NDUFAF1: variants seen among roughly 807,000 people sequenced by gnomAD.
NDUFAF1 encodes complex I intermediate-associated protein 30, mitochondrial.
In NDUFAF1, 18 loss-of-function variants were observed where a neutral mutation model predicts 28.7. The ratio of observed to expected loss-of-function variants is 0.63; its 90% CI spans 0.43 to 0.93. NDUFAF1 has a LOEUF of 0.93. Among genes scored for constraint, NDUFAF1 ranks in the 40% least tolerant of loss-of-function variants. The pLI, the probability that NDUFAF1 is intolerant of heterozygous loss-of-function variation, is 0.00. For missense variants in NDUFAF1, 404 were observed against 398.3 expected, an observed-to-expected ratio of 1.01 and a Z score of -0.12; for synonymous variants, 113 against 139.7, an observed-to-expected ratio of 0.81 and a Z score of 1.35.
At chr15:41,397,919 G>A (rs1349435433) in intron 1 of NDUFAF1, among the ~76,000 whole-genome samples, 2 of 151,286 alleles carry the variant, frequency 1.3e-5, no homozygotes, top group Non-Finnish European at 2.9e-5. Flanking sequence ...CAGCTACTAA[G>A]GAGGCTGAGG....
At chr15:41,397,845 T>C (rs1021819471) in intron 1 of NDUFAF1, among the ~76,000 whole-genome samples, 1 of 145,530 alleles carries the variant, frequency 6.9e-6, no homozygotes, top group African/African-American at 2.6e-5. Context: ...GCCAACATGG[T>C]GAAACCCCGT....
chr15:41,394,018 A>G (rs1279355612), intron 3 of NDUFAF1: 1 of 200,884 alleles, frequency 5.0e-6, no homozygotes, highest in Admixed American at 8.3e-5. Flanking sequence ...CTAGGACACT[A>G]CTTTTTTTTT....
intron 3 of NDUFAF1, among the ~76,000 whole-genome samples, chr15:41,390,250 C>T (rs1167531506): frequency 1.3e-5 from 2 of 152,118 alleles, no homozygotes; most frequent in African/African-American, 2.4e-5. Context: ...ATGTGAGCCA[C>T]TGGACCCAGC....
At chr15:41,394,447 ATGGACC>A in intron 3 of NDUFAF1, 1 of 1,120,122 alleles carries the variant, frequency 8.9e-7, no homozygotes, top group Non-Finnish European at 1.2e-6. Context: ...GTGACTTAGC[ATGGACC>A]TGGCCACATC....
intron 3 of NDUFAF1, chr15:41,394,192 C>A: frequency 2.2e-6 from 1 of 464,112 alleles, no homozygotes. Context: ...CCACGCCCAG[C>A]TAATTTTGTA....
rs148982578 is a variant in NDUFAF1 at position 41,396,999 on chromosome 15, T to C, written c.61A>G (p.Thr21Ala). 81 of 1,612,590 alleles carry C rather than the reference T, an allele frequency of 5.0e-5. No homozygotes were observed. In the Admixed American group the frequency reaches 1.0e-3, roughly 20 times the overall value. Residue 21 changes from threonine (T) to alanine (A), a missense_variant, in exon 2 of 5, where the codon ACT becomes GCT. Physicochemically the swap from Thr to Ala is moderately conservative, Grantham distance 58. Transcript: ENST00000260361. ...CCCAAAAATGGATACAAGGCAGAAGTTGGCTTAGAGAATTTTCTGAGAAAA... is the reference window on the plus strand; with the variant it reads ...CCCAAAAATGGATACAAGGCAGAAGCTGGCTTAGAGAATTTTCTGAGAAAA... ...TYFLRKFSKPTSALYPFLGIR... is the reference protein window; with the variant it reads ...TYFLRKFSKPASALYPFLGIR...
chr15:41,395,370 TTTTC>T (rs199940974), intron 2 of NDUFAF1, among the ~76,000 whole-genome samples: 22 of 151,132 alleles, frequency 1.5e-4, no homozygotes, highest in African/African-American at 5.4e-4. Context: ...TTTTCTTTTC[TTTTC>T]TTTTTTTTTT....
intron 1 of NDUFAF1, among the ~76,000 whole-genome samples, chr15:41,398,387 A>T (rs1363701870): frequency 6.7e-6 from 1 of 150,006 alleles, no homozygotes; most frequent in Admixed American, 6.7e-5. Flanking sequence ...GGGAGCCTTA[A>T]GCAGGAGAAT....
chr15:41,395,605 G>C lies in NDUFAF1; in HGVS notation c.574-561C>G, dbSNP rs372600909. ...CAGGATGGTCTCGATCTCCTGACCT[G>C]GTGATCCGCCCACCTTGGCCACCCA... On this transcript the variant is annotated intron_variant, in intron 2 of 4. Coordinates refer to ENST00000260361, the MANE Select transcript of NDUFAF1 (RefSeq NM_016013.4). Among the ~76,000 whole-genome samples, 112 of 150,234 alleles carry C rather than the reference G, an allele frequency of 7.5e-4. 3 individuals carry two copies. Among genetic ancestry groups the C allele is most frequent in the East Asian group, 6.2e-3 (31 of 5,012 alleles).
chr15:41,391,629 T>G (rs1354165206), intron 3 of NDUFAF1, among the ~76,000 whole-genome samples: 1 of 151,184 alleles, frequency 6.6e-6, no homozygotes, highest in African/African-American at 2.4e-5. Context: ...AAAAAAGAAT[T>G]TATATAATTT....
chr15:41,402,741 T>A (rs562384028), upstream of NDUFAF1, among the ~76,000 whole-genome samples: 63 of 148,922 alleles, frequency 4.2e-4, no homozygotes, highest in African/African-American at 1.5e-3. Context: ...TTTTTTTTTT[T>A]TTTTTTTTGA....
chr15:41,387,597 A>C lies in NDUFAF1; in HGVS notation c.835-4T>G. 6.2e-7 allele frequency: 1 copy of C among 1,600,722 alleles called. No individual in the cohort carries two copies. Among genetic ancestry groups the C allele is most frequent in the Non-Finnish European group, 8.6e-7 (1 of 1,167,880 alleles). On this transcript the variant is annotated splice_region_variant and splice_polypyrimidine_tract_variant and intron_variant, in intron 4 of 4. Coordinates refer to ENST00000260361, the MANE Select transcript of NDUFAF1 (RefSeq NM_016013.4). ...AGGTGAATCCTATAGAAGAGATCTA[A>C]ATTTAAAATACAGAAATTGATTAAA...
Position 41,402,036 on chromosome 15 carries a change from T to C in NDUFAF1, c.-82+108A>G, listed in dbSNP as rs2050469932. On this transcript the variant is annotated intron_variant, in intron 1 of 4. Transcript: ENST00000260361. Reference sequence around the variant, plus strand: ...TTTTTTTCTACCAGTAAACAGAAAATCTAAACTATTAACTGGACAATACCG... The same window carrying C: ...TTTTTTTCTACCAGTAAACAGAAAACCTAAACTATTAACTGGACAATACCG... 1.2e-5 allele frequency: 3 copies of C among 246,644 alleles called. No homozygotes were observed. In the Admixed American group the frequency reaches 1.3e-4, roughly 11 times the overall value. 15.3% of individuals were successfully genotyped at this position (246,644 alleles called of 1,614,324 possible).
chr15:41,391,776 GTTA>G (rs2050319756), intron 3 of NDUFAF1, among the ~76,000 whole-genome samples: 1 of 152,142 alleles, frequency 6.6e-6, no homozygotes. Flanking sequence ...TCCAACTTTA[GTTA>G]CAGGAATCAG....
rs536578096 is a variant in NDUFAF1 at position 41,395,015 on chromosome 15, A to G, written c.603T>C (p.Asp201=). 3.7e-6 allele frequency: 6 copies of G among 1,614,132 alleles called. No individual in the cohort carries two copies. The highest frequency in any genetic ancestry group is 2.2e-5 in the South Asian group (2 of 91,078). ...RGAFERKMSY[D]WSQFNTLYLR... ...GATACAGAGTATTGAACTGGGACCA[A>G]TCGTAAGACATCTTCCTCTCAAAAG... is the stretch of plus-strand genomic sequence containing the variant. The change falls in exon 3 of 5, where the codon GAT becomes GAC. Residue 201 remains aspartate, a synonymous_variant. Coordinates refer to ENST00000260361, the MANE Select transcript of NDUFAF1 (RefSeq NM_016013.4).
chr15:41,388,166 G>A (rs150875801), intron 4 of NDUFAF1, among the ~76,000 whole-genome samples: 44 of 152,164 alleles, frequency 2.9e-4, no homozygotes, highest in Non-Finnish European at 4.0e-4. Flanking sequence ...TCCTTGAAGC[G>A]TTCATAAACT....
In NDUFAF1 at chr15:41,393,589, C is replaced by CTTTTT. The variant is rs551792777; in HGVS notation, c.759+1265_759+1269dup. Among the ~76,000 whole-genome samples, 114 of 135,526 alleles carry CTTTTT rather than the reference C, an allele frequency of 8.4e-4. 3 individuals carry two copies. Among genetic ancestry groups the CTTTTT allele is most frequent in the African/African-American group, 3.2e-3 (110 of 34,554 alleles). 88.9% of individuals were successfully genotyped at this position (135,526 alleles called of 152,430 possible). A position where few individuals can be genotyped will look rare whatever the true frequency, so the allele number is the denominator to read the frequency against. On this transcript the variant is annotated intron_variant, in intron 3 of 4. Coordinates refer to ENST00000260361, the MANE Select transcript of NDUFAF1 (RefSeq NM_016013.4). Reference sequence around the variant, plus strand: ...ACAGGCGTAAGCCACCGCGGCCGGCCTTTTTTTTTTTGAGATGGAGTCTCA... The same window carrying CTTTTT: ...ACAGGCGTAAGCCACCGCGGCCGGCCTTTTTTTTTTTTTTTTGAGATGGAGTCTCA...
chr15:41,398,549 A>G (rs1031325965), intron 1 of NDUFAF1, among the ~76,000 whole-genome samples: 1 of 151,608 alleles, frequency 6.6e-6, no homozygotes, highest in African/African-American at 2.4e-5. Context: ...GGCAAGATCG[A>G]TAACTCATTG....
At chr15:41,390,276 C>A (rs1441409051) in intron 3 of NDUFAF1, among the ~76,000 whole-genome samples, 1 of 151,888 alleles carries the variant, frequency 6.6e-6, no homozygotes, top group Non-Finnish European at 1.5e-5. Context: ...TTGTTGTCTA[C>A]TTATATAATA....
Sources: gnomAD v4.1 joint callset for allele counts (sites outside exome capture counted in the v4.1 genomes callset) on GRCh38, gnomAD v4.1.1 for gene constraint, MANE v1.5 for transcripts, NCBI Gene and HGNC (gene_info 2026-07-23, HGNC 2026-07-21) for gene names.